Variants in ZNRF3 observed in about 807,000 individuals in gnomAD.
ZNRF3 encodes zinc and ring finger 3, also known as E3 ubiquitin-protein ligase ZNRF3.
In ZNRF3, 23 loss-of-function variants were observed where a neutral mutation model predicts 72.5. The observed-to-expected ratio is 0.32, with a 90% CI of 0.23 to 0.45. The LOEUF (loss-of-function observed/expected upper bound fraction) is 0.45. Ranked by LOEUF, ZNRF3 falls within the 20% of genes least tolerant of loss-of-function variation. The pLI is 1.00. For synonymous variants in ZNRF3, 610 were observed against 545.3 expected, an observed-to-expected ratio of 1.12 and a Z score of -1.65; for missense variants, 1,169 against 1,272.1, an observed-to-expected ratio of 0.92 and a Z score of 1.23.
chr22:28,977,165 G>A (rs1041735493), intron 1 of ZNRF3, among the ~76,000 whole-genome samples: 8 of 152,158 alleles, frequency 5.3e-5, no homozygotes, highest in Non-Finnish European at 7.3e-5. Context: ...CTCCAGCCGA[G>A]TGTTCTGAAA....
chr22:28,884,758 C>G (rs1330636378), intron 1 of ZNRF3, among the ~76,000 whole-genome samples: 2 of 152,200 alleles, frequency 1.3e-5, no homozygotes, highest in Admixed American at 6.5e-5. Context: ...TGCGAAGGAC[C>G]TGCAAATGGG....
At chr22:28,925,352 T>TGA (rs2034582052) in intron 1 of ZNRF3, among the ~76,000 whole-genome samples, 1 of 152,134 alleles carries the variant, frequency 6.6e-6, no homozygotes, top group South Asian at 2.1e-4. Flanking sequence ...CACAAACCTG[T>TGA]TTCTGTTAGG....
intron 1 of ZNRF3, among the ~76,000 whole-genome samples, chr22:28,919,212 C>T (rs2123767069): frequency 6.6e-6 from 1 of 152,350 alleles, no homozygotes; most frequent in Middle Eastern, 3.4e-3. Flanking sequence ...GCAGTCCCTT[C>T]TTTCCTGGAA....
intron 2 of ZNRF3, among the ~76,000 whole-genome samples, chr22:28,996,130 G>C (rs1053387451): frequency 4.6e-5 from 7 of 152,204 alleles, no homozygotes; most frequent in Admixed American, 2.0e-4. Context: ...TTCGAGGCAG[G>C]GTCTTACTAT....
chr22:28,898,103 C>CG (rs60727643), intron 1 of ZNRF3, among the ~76,000 whole-genome samples: 1 of 152,196 alleles, frequency 6.6e-6, no homozygotes, highest in African/African-American at 2.4e-5. Context: ...CACACCACCA[C>CG]GCCTGGCTAA....
chr22:29,050,969 T>C, intron 8 of ZNRF3, 21 bp downstream of exon 8: 1 of 1,501,622 alleles, frequency 6.7e-7, no homozygotes, highest in East Asian at 2.3e-5. Flanking sequence ...GAAATGGCAG[T>C]AGGTCAGAGC....
chr22:28,937,200 TATATATATATATATA>T (rs1355711075), intron 1 of ZNRF3, among the ~76,000 whole-genome samples: 25 of 2,834 alleles, frequency 8.8e-3, no homozygotes, highest in East Asian at 0.028. Flanking sequence ...TATATATATA[TATATATATATATATA>T]TTTTTTTTTT....
intron 2 of ZNRF3, among the ~76,000 whole-genome samples, chr22:29,014,415 C>T (rs1012585937): frequency 1.3e-5 from 2 of 152,142 alleles, no homozygotes; most frequent in African/African-American, 4.8e-5. Flanking sequence ...GATGTGATTC[C>T]TGATGTAGGT....
chr22:28,891,769 G>A (rs1339400942), intron 1 of ZNRF3, among the ~76,000 whole-genome samples: 3 of 152,338 alleles, frequency 2.0e-5, no homozygotes, highest in East Asian at 1.9e-4. Flanking sequence ...AGTCTATAAC[G>A]TCAACTGAGA....
In ZNRF3 at chr22:29,050,239, G is replaced by T; in HGVS notation, c.2058G>T (p.Gly686=). ...RGPNSSTSEV[G]LEASPGAAPD... is the part of the protein sequence containing the mutation. ...CCAATAGCTCTACCTCAGAAGTGGG[G>T]CTCGAGGCTTCTCCTGGGGCCGCCC... Residue 686 remains glycine (G), a synonymous_variant, in exon 8 of 9, where the codon GGG becomes GGT. Coordinates refer to ENST00000544604, the MANE Select transcript of ZNRF3 (RefSeq NM_001206998.2). 1 of 1,599,456 alleles carries T rather than the reference G, an allele frequency of 6.3e-7. No homozygotes were observed. The highest frequency in any genetic ancestry group is 8.5e-7 in the Non-Finnish European group (1 of 1,179,698).
chr22:28,971,339 G>A (rs1054515650), intron 1 of ZNRF3, among the ~76,000 whole-genome samples: 1 of 152,126 alleles, frequency 6.6e-6, no homozygotes, highest in Non-Finnish European at 1.5e-5. Flanking sequence ...ATCACCAGCA[G>A]CCTCAGTTAT....
intron 1 of ZNRF3, among the ~76,000 whole-genome samples, chr22:28,971,699 T>A (rs956004322): frequency 4.6e-5 from 7 of 152,208 alleles, no homozygotes; most frequent in African/African-American, 1.4e-4. Context: ...CATTCTTTTT[T>A]AAAAATTAAA....
intron 2 of ZNRF3, among the ~76,000 whole-genome samples, chr22:28,990,514 A>G (rs2035934558): frequency 6.6e-6 from 1 of 152,124 alleles, no homozygotes; most frequent in African/African-American, 2.4e-5. Context: ...GCGAAATCCC[A>G]TCTCTACTAA....
At chr22:28,957,757 G>A (rs2035285574) in intron 1 of ZNRF3, among the ~76,000 whole-genome samples, 2 of 151,980 alleles carry the variant, frequency 1.3e-5, no homozygotes, top group Non-Finnish European at 2.9e-5. Context: ...TTCTTTTTGA[G>A]ACCTTGGACA....
intron 1 of ZNRF3, among the ~76,000 whole-genome samples, chr22:28,948,669 T>C (rs2035097327): frequency 6.6e-6 from 1 of 151,800 alleles, no homozygotes; most frequent in South Asian, 2.1e-4. Flanking sequence ...AAGGGAGGAG[T>C]ATTTTATAGC....
chr22:28,955,552 T>G (rs1320967829), intron 1 of ZNRF3, among the ~76,000 whole-genome samples: 1 of 152,200 alleles, frequency 6.6e-6, no homozygotes, highest in Non-Finnish European at 1.5e-5. Flanking sequence ...GATCATGTTT[T>G]GTGGAGCAGC....
chr22:29,020,940 G>T (rs1309388630), intron 2 of ZNRF3, among the ~76,000 whole-genome samples: 1 of 151,984 alleles, frequency 6.6e-6, no homozygotes, highest in East Asian at 1.9e-4. Flanking sequence ...AGGATTACAG[G>T]CACCCACCAC....
chr22:29,014,499 G>T (rs1000954095), intron 2 of ZNRF3, among the ~76,000 whole-genome samples: 10 of 152,254 alleles, frequency 6.6e-5, no homozygotes, highest in African/African-American at 2.4e-4. Flanking sequence ...TCTCCCTGCC[G>T]CTCCGTGTTT....
At chr22:29,031,832 T>C (rs532361221) in intron 2 of ZNRF3, among the ~76,000 whole-genome samples, 1 of 152,302 alleles carries the variant, frequency 6.6e-6, no homozygotes, top group East Asian at 1.9e-4. Context: ...GCAGGCCTGG[T>C]GGCGGCAACA....
Sources: gnomAD v4.1 joint callset for allele counts (sites outside exome capture counted in the v4.1 genomes callset) on GRCh38, gnomAD v4.1.1 for gene constraint, MANE v1.5 for transcripts, NCBI Gene and HGNC (gene_info 2026-07-23, HGNC 2026-07-21) for gene names.